RNF220: variants seen among roughly 807,000 people sequenced by gnomAD.
RNF220 encodes E3 ubiquitin-protein ligase RNF220.
In RNF220, 7 loss-of-function variants were observed where a neutral mutation model predicts 67.1. That is an observed-to-expected ratio of 0.10 (90% CI 0.06 to 0.20). The LOEUF is 0.20. Ranked by LOEUF, RNF220 falls within the 10% of genes least tolerant of loss-of-function variation. RNF220 has a pLI of 1.00. For synonymous variants in RNF220, 270 were observed against 283.2 expected (o/e 0.95, Z 0.47); for missense variants, 565 against 740.3 (o/e 0.76, Z 2.75).
rs1417554429 is a variant in RNF220, at chr1:44,417,359, T to C, written c.625+4637T>C. ...CTCTTTTTCATGCTGCTGGGTTTAA[T>C]TGTCTTGTTGGGATAAAGAAATGTT... is the stretch of plus-strand genomic sequence containing the variant. On this transcript the variant is annotated intron_variant, in intron 2 of 14. Transcript: ENST00000361799. The surrounding 1 kb of genome is among the most constrained non-coding windows in gnomAD (Gnocchi z 4.0). Among the ~76,000 whole-genome samples the C allele has an allele frequency of 1.3e-5, 2 of 150,870 alleles. No individual in the cohort carries two copies. The highest frequency in any genetic ancestry group is 1.9e-4 in the East Asian group (1 of 5,190).
At chr1:44,564,562 G>C (rs534699495) in intron 2 of RNF220, among the ~76,000 whole-genome samples, 21 of 151,972 alleles carry the variant, frequency 1.4e-4, no homozygotes, top group Non-Finnish European at 2.9e-4. Flanking sequence ...AGATCAGCCT[G>C]GCCCACATGG....
intron 2 of RNF220, among the ~76,000 whole-genome samples, chr1:44,526,233 G>C (rs935061429): frequency 2.0e-5 from 3 of 152,170 alleles, no homozygotes; most frequent in Non-Finnish European, 4.4e-5. Context: ...AGCAGACCCT[G>C]ACTAAGTCTC....
intron 2 of RNF220, among the ~76,000 whole-genome samples, chr1:44,461,352 A>G (rs1653742283): frequency 6.6e-6 from 1 of 152,170 alleles, no homozygotes; most frequent in South Asian, 2.1e-4. Context: ...ATATTTTTAC[A>G]TGGTTACATT....
In RNF220 at chr1:44,472,307, GCCACTGCA is replaced by G. The variant is rs529305623; in HGVS notation, c.625+59589_625+59596del. 9.7e-4 allele frequency among the ~76,000 whole-genome samples: 148 copies of G among 152,294 alleles called. 1 individual carries two copies. In the East Asian group the frequency reaches 0.022, roughly 23 times the overall value. ...AGGAACTGCCAAACTCTTTTCGATA[GCCACTGCA>G]CCATTTACACCATTCCTGCATCAGC... On this transcript the variant is annotated intron_variant, in intron 2 of 14. Transcript: ENST00000361799.
At chr1:44,525,532 G>T (rs1394057092) in intron 2 of RNF220, among the ~76,000 whole-genome samples, 1 of 152,176 alleles carries the variant, frequency 6.6e-6, no homozygotes, top group East Asian at 1.9e-4. Flanking sequence ...TACTACTGTA[G>T]CAAGTGACTT....
rs1299876862 is a variant in RNF220, at chr1:44,645,858, T to A, written c.1445+370T>A. 6.6e-6 allele frequency among the ~76,000 whole-genome samples: 1 copy of A among 152,266 alleles called. No individual in the cohort carries two copies. Among genetic ancestry groups the A allele is most frequent in the Non-Finnish European group, 1.5e-5 (1 of 68,048 alleles). ...TCGGGAGCTAAATTGGTTTCATTTT[T>A]CTTGTCCCGGGTGGCACTCGCAGTG... is the stretch of plus-strand genomic sequence containing the variant. On this transcript the variant is annotated intron_variant, in intron 12 of 14. Transcript: ENST00000361799. The surrounding 1 kb of genome is among the most constrained non-coding windows in gnomAD (Gnocchi z 5.0).
At chr1:44,469,716 G>A (rs1271763058) in intron 2 of RNF220, among the ~76,000 whole-genome samples, 6 of 152,220 alleles carry the variant, frequency 3.9e-5, no homozygotes, top group Non-Finnish European at 8.8e-5. Flanking sequence ...GAGAGCCTGA[G>A]TATGATATTA....
intron 2 of RNF220, among the ~76,000 whole-genome samples, chr1:44,522,228 A>C (rs1659997889): frequency 6.6e-6 from 1 of 152,200 alleles, no homozygotes; most frequent in African/African-American, 2.4e-5. Flanking sequence ...AATCAGATGG[A>C]CATGGTTTGA....
At chr1:44,503,011 T>A (rs552344181) in intron 2 of RNF220, among the ~76,000 whole-genome samples, 1 of 152,142 alleles carries the variant, frequency 6.6e-6, no homozygotes, top group East Asian at 1.9e-4. Flanking sequence ...TCATTGATAT[T>A]TTTTACTTTA....
intron 8 of RNF220, chr1:44,638,465 A>G (rs957747161): frequency 2.6e-5 from 4 of 152,248 alleles, no homozygotes; most frequent in Admixed American, 6.5e-5. Context: ...GACAGAACAG[A>G]GATTGCTGTC....
chr1:44,606,861 G>C lies in RNF220; in HGVS notation c.626-7304G>C, dbSNP rs1242425010. ...GGTGCTCTATGTCAATGTCTCCCGG[G>C]TCTAGAACTCTAGCTCTGGCTCACA... On this transcript the variant is annotated intron_variant, in intron 2 of 14. Coordinates refer to ENST00000361799, the MANE Select transcript of RNF220 (RefSeq NM_018150.4). The surrounding 1 kb of genome is among the most constrained non-coding windows in gnomAD (Gnocchi z 4.2). Among the ~76,000 whole-genome samples the C allele has an allele frequency of 1.3e-5, 2 of 152,136 alleles. No homozygotes were observed. Among genetic ancestry groups the C allele is most frequent in the Non-Finnish European group, 2.9e-5 (2 of 68,034 alleles).
At position 44,417,499 on chromosome 1, in the gene RNF220, T is replaced by C. The variant is rs1648666796; in HGVS notation, c.625+4777T>C. Among the ~76,000 whole-genome samples the C allele has an allele frequency of 6.6e-6, 1 of 151,910 alleles. No homozygotes were observed. Among genetic ancestry groups the C allele is most frequent in the Non-Finnish European group, 1.5e-5 (1 of 67,982 alleles). On this transcript the variant is annotated intron_variant, in intron 2 of 14. Transcript: ENST00000361799. This position sits in a 1 kb window ranked among gnomAD's most constrained non-coding sequence, Gnocchi z 4.0. The stretch of plus-strand genomic sequence containing the variant: ...GCTCGCCTGGCGGCTGGGCTCGCTG[T>C]AGTTGTGCTCCCGCTCTTCCCCTGC...
chr1:44,575,969 G>A (rs575056201), intron 2 of RNF220, among the ~76,000 whole-genome samples: 85 of 152,286 alleles, frequency 5.6e-4, no homozygotes, highest in African/African-American at 1.9e-3. Flanking sequence ...CCAGGTTGAC[G>A]AGGACATGGT....
intron 2 of RNF220, among the ~76,000 whole-genome samples, chr1:44,558,044 C>T (rs1332269119): frequency 6.6e-6 from 1 of 152,232 alleles, no homozygotes. Flanking sequence ...ATTCACAGTT[C>T]TCTTAGCCTT....
At chr1:44,614,424 T>C in intron 3 of RNF220, 127 bp downstream of exon 3, 1 of 980,818 alleles carries the variant, frequency 1.0e-6, no homozygotes, top group Non-Finnish European at 1.5e-6. Flanking sequence ...CTGCCACCCT[T>C]CTCCACAACT....
chr1:44,639,613 T>C (rs1440519261), intron 8 of RNF220, among the ~76,000 whole-genome samples: 1 of 152,160 alleles, frequency 6.6e-6, no homozygotes, highest in Non-Finnish European at 1.5e-5. Context: ...GTTAAGACAG[T>C]CAGCAGTGCA....
intron 3 of RNF220, among the ~76,000 whole-genome samples, chr1:44,614,923 G>A (rs1643480552): frequency 6.6e-6 from 1 of 152,218 alleles, no homozygotes; most frequent in South Asian, 2.1e-4. Context: ...CCATTTCATT[G>A]TGCTCGTGGA....
intron 2 of RNF220, among the ~76,000 whole-genome samples, chr1:44,520,892 ATTTGTTTTTGTT>A (rs1238941498): frequency 3.3e-5 from 5 of 151,970 alleles, no homozygotes; most frequent in Non-Finnish European, 5.9e-5. Flanking sequence ...TAATAATGTG[ATTTGTTTTTGTT>A]TTTGTTTTTG....
At chr1:44,530,109 T>A (rs558890949) in intron 2 of RNF220, among the ~76,000 whole-genome samples, 206 of 152,252 alleles carry the variant, frequency 1.4e-3, no homozygotes, top group African/African-American at 4.6e-3. Flanking sequence ...CATACTTTTT[T>A]TGTGAGTATA....
Sources: gnomAD v4.1 joint callset for allele counts (sites outside exome capture counted in the v4.1 genomes callset) on GRCh38, gnomAD v4.1.1 for gene constraint, Gnocchi (gnomAD v3.1) non-coding constraint, MANE v1.5 for transcripts, NCBI Gene and HGNC (gene_info 2026-07-23, HGNC 2026-07-21) for gene names.